Variants in OGDH observed in about 807,000 individuals in gnomAD.
OGDH encodes the protein 2-oxoglutarate dehydrogenase complex component E1.
OGDH carries 38 observed loss-of-function variants against 116.6 expected under a neutral mutation model. That is an observed-to-expected ratio of 0.33 (90% CI 0.25 to 0.43). The LOEUF is 0.43. OGDH is among the 20% of genes least tolerant of loss of function. The pLI is 1.00. For missense variants in OGDH, 825 were observed against 1,357.2 expected (o/e 0.61, Z 6.16); for synonymous variants, 488 against 533.3 (o/e 0.92, Z 1.17).
chr7:44,708,191 G>A lies in OGDH; in HGVS notation c.*192G>A, dbSNP rs902497356. 14 of 709,366 alleles carry A rather than the reference G, an allele frequency of 2.0e-5. No homozygotes were observed. Among genetic ancestry groups the A allele is most frequent in the African/African-American group, 7.2e-5 (4 of 55,618 alleles). The allele number at this position is 709,366 out of a possible 1,614,324, so 43.9% of individuals were successfully genotyped here. On this transcript the variant is annotated 3_prime_UTR_variant, in exon 23 of 23. Coordinates refer to ENST00000222673, the MANE Select transcript of OGDH (RefSeq NM_002541.4). ...TGCTTGGCTGCCCCACAGGCCACAC[G>A]CTGCCCAGGCTCTGCTGACTTCTGA...
At chr7:44,627,285 G>T (rs1035436018) in intron 2 of OGDH, among the ~76,000 whole-genome samples, 1 of 152,206 alleles carries the variant, frequency 6.6e-6, no homozygotes, top group Non-Finnish European at 1.5e-5. Context: ...GTGAGCCACG[G>T]CGCCTGGCCA....
chr7:44,618,016 A>T (rs1035406773), intron 1 of OGDH, among the ~76,000 whole-genome samples: 9 of 152,206 alleles, frequency 5.9e-5, no homozygotes, highest in Non-Finnish European at 1.0e-4. Context: ...CATATTTCAG[A>T]CAGAACCCTA....
chr7:44,618,057 GT>G (rs1291852954), intron 1 of OGDH, among the ~76,000 whole-genome samples: 1 of 152,090 alleles, frequency 6.6e-6, no homozygotes, highest in African/African-American at 2.4e-5. Flanking sequence ...AGGGCAGGGC[GT>G]TTAACACCTA....
chr7:44,698,520 C>T (rs771435863), intron 18 of OGDH, among the ~76,000 whole-genome samples: 11 of 152,096 alleles, frequency 7.2e-5, no homozygotes, highest in East Asian at 1.9e-4. Flanking sequence ...AGCACAGAAA[C>T]GCCATGTGAG....
In OGDH at chr7:44,624,305, TTTTTTG is replaced by T; in HGVS notation, c.-27-10_-27-5del. 1.5e-6 allele frequency: 2 copies of T among 1,325,794 alleles called. No individual in the cohort carries two copies. The highest frequency in any genetic ancestry group is 2.4e-5 in the Admixed American group (1 of 42,490). The allele number at this position is 1,325,794 out of a possible 1,614,324, so 82.1% of individuals were successfully genotyped here. ...CTTTCTTTCTTGTTTTTTTTTTTTTTTTTTTGTACAGGCAGTTGTGAAAAACTTCAG... is the reference window on the plus strand; with the variant it reads ...CTTTCTTTCTTGTTTTTTTTTTTTTTTACAGGCAGTTGTGAAAAACTTCAG... On this transcript the variant is annotated splice_region_variant and splice_polypyrimidine_tract_variant and intron_variant, in intron 1 of 22. Transcript: ENST00000222673.
intron 3 of OGDH, chr7:44,647,447 A>AG (rs1446822969): frequency 6.5e-7 from 1 of 1,537,164 alleles, no homozygotes; most frequent in Non-Finnish European, 8.7e-7. Context: ...CTTCCAGGTC[A>AG]GGGGTCACCA....
At chr7:44,644,666 T>G (rs1786090961) in intron 2 of OGDH, among the ~76,000 whole-genome samples, 1 of 152,228 alleles carries the variant, frequency 6.6e-6, no homozygotes, top group African/African-American at 2.4e-5. Context: ...ACCCCACACT[T>G]TGAGCTCTTA....
At chr7:44,696,657 A>G in intron 14 of OGDH, 100 bp downstream of exon 14, 12 of 1,519,678 alleles carry the variant, frequency 7.9e-6, no homozygotes, top group Non-Finnish European at 1.1e-5. Flanking sequence ...CATGTGTCCT[A>G]CAGAGACTCC....
At chr7:44,630,363 G>A (rs1182499882) in intron 2 of OGDH, among the ~76,000 whole-genome samples, 1 of 152,200 alleles carries the variant, frequency 6.6e-6, no homozygotes, top group East Asian at 1.9e-4. Flanking sequence ...GTGCTCATAA[G>A]GAGATCTGAT....
At chr7:44,681,210 G>T (rs765441261) in intron 9 of OGDH, among the ~76,000 whole-genome samples, 4 of 152,220 alleles carry the variant, frequency 2.6e-5, no homozygotes, top group African/African-American at 9.6e-5. Context: ...GTGAGTGAAA[G>T]GGAGGATAGC....
chr7:44,616,737 G>A (rs1003244486), intron 1 of OGDH, among the ~76,000 whole-genome samples: 13 of 131,042 alleles, frequency 9.9e-5, no homozygotes, highest in Admixed American at 9.9e-4. Context: ...ACATATATAC[G>A]TATATAAGTG....
At chr7:44,682,508 G>A (rs371670313) in intron 10 of OGDH, among the ~76,000 whole-genome samples, 2 of 151,768 alleles carry the variant, frequency 1.3e-5, no homozygotes, top group African/African-American at 4.8e-5. Flanking sequence ...GACCAGCCTG[G>A]CCAACATGGA....
chr7:44,707,548 TC>T lies in OGDH; in HGVS notation c.2797-32del. Reference sequence around the variant, plus strand: ...CTGGATCTTGCCTGCCCTCTGAGTTTCCTCTTTTTGATCTGACCCCTGCTGT... The same window carrying T: ...CTGGATCTTGCCTGCCCTCTGAGTTTCTCTTTTTGATCTGACCCCTGCTGT... On this transcript the variant is annotated intron_variant, in intron 21 of 22. Coordinates refer to ENST00000222673, the MANE Select transcript of OGDH (RefSeq NM_002541.4). This position sits in a 1 kb window ranked among gnomAD's most constrained non-coding sequence, Gnocchi z 5.2. 6.2e-7 allele frequency: 1 copy of T among 1,610,838 alleles called. No homozygotes were observed. The highest frequency in any genetic ancestry group is 8.5e-7 in the Non-Finnish European group (1 of 1,178,644).
chr7:44,656,013 A>G (rs1486618012), intron 4 of OGDH, among the ~76,000 whole-genome samples: 1 of 152,164 alleles, frequency 6.6e-6, no homozygotes, highest in East Asian at 1.9e-4. Context: ...AGCTAAGGAG[A>G]TGAGGAGCTC....
intron 1 of OGDH, among the ~76,000 whole-genome samples, chr7:44,613,802 CTTTTTTTT>C (rs11397029): frequency 5.6e-5 from 6 of 106,354 alleles, no homozygotes; most frequent in Non-Finnish European, 1.1e-4. Context: ...AGCCACCTGG[CTTTTTTTT>C]TTTTTTTTTT....
At chr7:44,675,652 C>T (rs544608129) in intron 8 of OGDH, among the ~76,000 whole-genome samples, 3 of 152,078 alleles carry the variant, frequency 2.0e-5, no homozygotes, top group Non-Finnish European at 2.9e-5. Flanking sequence ...CTGAGGCAGG[C>T]GGATCACGTG....
chr7:44,680,720 C>G lies in OGDH; in HGVS notation c.1207-1000C>G, dbSNP rs547072860. ...CCCATCCTCTACTGGAGGAAGCTGG[C>G]TTCTTAGAGAAACAGCTGATATTGT... is the stretch of plus-strand genomic sequence containing the variant. On this transcript the variant is annotated intron_variant, in intron 9 of 22. Transcript: ENST00000222673. 2.0e-5 allele frequency among the ~76,000 whole-genome samples: 3 copies of G among 152,280 alleles called. No homozygotes were observed. In the East Asian group the frequency reaches 5.8e-4, roughly 29 times the overall value.
rs556339249 is a variant in OGDH, at chr7:44,689,009, C to G, written c.1336-4816C>G. Among the ~76,000 whole-genome samples the G allele has an allele frequency of 1.1e-4, 17 of 152,244 alleles. No individual in the cohort carries two copies. In the East Asian group the frequency reaches 2.9e-3, roughly 26 times the overall value. On this transcript the variant is annotated intron_variant, in intron 10 of 22. Transcript: ENST00000222673. ...AGGTGATCTACCTGCCTCAGCCTCCCAAGGTGCTCTTATTACAGGCATGAG... is the reference window on the plus strand; with the variant it reads ...AGGTGATCTACCTGCCTCAGCCTCCGAAGGTGCTCTTATTACAGGCATGAG...
At chr7:44,649,756 T>C (rs996907438) in intron 4 of OGDH, among the ~76,000 whole-genome samples, 2 of 152,154 alleles carry the variant, frequency 1.3e-5, no homozygotes, top group African/African-American at 4.8e-5. Context: ...CCCTAAGCAC[T>C]GTCAACATAC....
Sources: allele counts gnomAD v4.1 joint callset (sites outside exome capture counted in the v4.1 genomes callset), GRCh38; gene constraint gnomAD v4.1.1; non-coding constraint Gnocchi (gnomAD v3.1); transcripts MANE v1.5; gene names NCBI Gene and HGNC (gene_info 2026-07-23, HGNC 2026-07-21).